The following CGNL1 variants were observed in gnomAD, a reference collection of about 807,000 sequenced individuals.
CGNL1 encodes the protein cingulin-like protein 1.
CGNL1 carries 132 observed loss-of-function variants against 141.2 expected under a neutral mutation model. That is an observed-to-expected ratio of 0.93 (90% CI 0.81 to 1.08). CGNL1 has a LOEUF of 1.08. CGNL1 is among the 50% of genes least tolerant of loss of function. The pLI is 0.00. For missense variants in CGNL1, 1,870 were observed against 1,588.6 expected, an observed-to-expected ratio of 1.18 and a Z score of -3.01; for synonymous variants, 690 against 622.1, an observed-to-expected ratio of 1.11 and a Z score of -1.63.
intron 8 of CGNL1, among the ~76,000 whole-genome samples, chr15:57,464,800 A>T (rs1387682994): frequency 7.1e-6 from 1 of 140,252 alleles, no homozygotes; most frequent in African/African-American, 2.7e-5. Flanking sequence ...CCCTGGTTGG[A>T]GTACAATGGC....
chr15:57,483,142 G>T (rs1048024602), intron 8 of CGNL1, among the ~76,000 whole-genome samples: 1 of 152,166 alleles, frequency 6.6e-6, no homozygotes, highest in East Asian at 1.9e-4. Flanking sequence ...AAATTTTGCT[G>T]AAGTTTTGAT....
At chr15:57,544,863 G>A (rs1379573908) in intron 16 of CGNL1, among the ~76,000 whole-genome samples, 1 of 152,218 alleles carries the variant, frequency 6.6e-6, no homozygotes, top group Non-Finnish European at 1.5e-5. Context: ...CTATGGTGGT[G>A]CCACTGTACT....
rs143359845 is a variant in CGNL1, at chr15:57,451,312, G to A, written c.1804-188G>A. 8.5e-5 allele frequency among the ~76,000 whole-genome samples: 13 copies of A among 152,298 alleles called. 1 individual carries two copies. The highest frequency in any genetic ancestry group is 2.9e-4 in the African/African-American group (12 of 41,556). On this transcript the variant is annotated intron_variant, in intron 4 of 18. Coordinates refer to ENST00000281282, the MANE Select transcript of CGNL1 (RefSeq NM_032866.5). ...AAAGTTCACTGGAGTCCCAAGGCAG[G>A]CAGTAACATTAACTCTGCCCACCAA...
In CGNL1 at chr15:57,433,880, A is replaced by G. The variant is rs185809714; in HGVS notation, c.-15-4105A>G. On this transcript the variant is annotated intron_variant, in intron 1 of 18. Transcript: ENST00000281282. ...CTTGAGAAATTGAACAACTCCAGAA[A>G]AAAATGCCCCCAGATAACTGAAATG... is the stretch of plus-strand genomic sequence containing the variant. Among the ~76,000 whole-genome samples, 22 of 147,838 alleles carry G rather than the reference A, an allele frequency of 1.5e-4. No individual in the cohort carries two copies. In the East Asian group the frequency reaches 3.0e-3, roughly 20 times the overall value.
rs114415770 is a variant in CGNL1, at chr15:57,486,149, G to A, written c.2403+24257G>A. Among the ~76,000 whole-genome samples, 1,388 of 152,248 alleles carry A rather than the reference G, an allele frequency of 9.1e-3. 20 individuals carry two copies. Among genetic ancestry groups the A allele is most frequent in the African/African-American group, 0.031 (1,282 of 41,528 alleles). The stretch of plus-strand genomic sequence containing the variant: ...TGCCTTACTGGTGCTCCAGGGCAGG[G>A]GCAGGCTCACCATGCTGAGGCCTGA... On this transcript the variant is annotated intron_variant, in intron 8 of 18. Coordinates refer to ENST00000281282, the MANE Select transcript of CGNL1 (RefSeq NM_032866.5).
rs529060755 is a variant in CGNL1, at chr15:57,522,034, A to G, written c.2716-1455A>G. ...CCCTTTGCCCCAACACTGCTAAATCATCGATCAACAGAAACCCCAGGTTTG... is the reference window on the plus strand; with the variant it reads ...CCCTTTGCCCCAACACTGCTAAATCGTCGATCAACAGAAACCCCAGGTTTG... On this transcript the variant is annotated intron_variant, in intron 10 of 18. Coordinates refer to ENST00000281282, the MANE Select transcript of CGNL1 (RefSeq NM_032866.5). Among the ~76,000 whole-genome samples the G allele has an allele frequency of 5.3e-5, 8 of 152,240 alleles. 1 individual carries two copies. Among genetic ancestry groups the G allele is most frequent in the African/African-American group, 1.9e-4 (8 of 41,548 alleles).
At position 57,378,646 on chromosome 15, in the gene CGNL1, G is replaced by A. The variant is rs192786852; in HGVS notation, c.-16+2079G>A. Among the ~76,000 whole-genome samples the A allele has an allele frequency of 4.8e-3, 737 of 152,124 alleles. 5 individuals are homozygous for A. The highest frequency in any genetic ancestry group is 0.017 in the African/African-American group (708 of 41,476). On this transcript the variant is annotated intron_variant, in intron 1 of 18. Transcript: ENST00000281282. ...GATCTGCCCACCTCGGCCTCTCAAAGTGCTGGGATTACAGGCATGAGCCAC... is the reference window on the plus strand; with the variant it reads ...GATCTGCCCACCTCGGCCTCTCAAAATGCTGGGATTACAGGCATGAGCCAC...
intron 1 of CGNL1, among the ~76,000 whole-genome samples, chr15:57,393,136 C>G (rs539589232): frequency 2.0e-5 from 3 of 152,172 alleles, no homozygotes; most frequent in Non-Finnish European, 4.4e-5. Flanking sequence ...TCTTAATTCC[C>G]TTGCTCCAGG....
In CGNL1 at chr15:57,451,550, G is replaced by C. The variant is rs1567126510; in HGVS notation, c.1854G>C (p.Lys618Asn). ...AAGATCTATTGGAACAGAAAAGCAA[G>C]TTGACCATAGAAGTGGCTGAACTTC... ...EVKDLLEQKS[K>N]LTIEVAELQR... Residue 618 changes from lysine (K) to asparagine (N), a missense_variant, in exon 5 of 19, where the codon AAG (lysine) becomes AAC (asparagine). Physicochemically the swap from Lys to Asn is moderately conservative, Grantham distance 94. Coordinates refer to ENST00000281282, the MANE Select transcript of CGNL1 (RefSeq NM_032866.5). 1 of 1,613,100 alleles carries C rather than the reference G, an allele frequency of 6.2e-7. No homozygotes were observed. The highest frequency in any genetic ancestry group is 8.5e-7 in the Non-Finnish European group (1 of 1,179,586).
intron 8 of CGNL1, among the ~76,000 whole-genome samples, chr15:57,492,893 G>A (rs1404574400): frequency 1.3e-5 from 2 of 152,146 alleles, no homozygotes; most frequent in African/African-American, 4.8e-5. Flanking sequence ...CACTGAAGAA[G>A]AAACAATAAT....
At chr15:57,522,291 G>A (rs1269339767) in intron 10 of CGNL1, among the ~76,000 whole-genome samples, 10 of 152,224 alleles carry the variant, frequency 6.6e-5, no homozygotes, top group Admixed American at 2.0e-4. Context: ...GCTATGGGTC[G>A]TGTTTTAGCC....
intron 1 of CGNL1, among the ~76,000 whole-genome samples, chr15:57,383,272 A>G (rs1267025867): frequency 1.4e-5 from 2 of 147,834 alleles, no homozygotes; most frequent in Admixed American, 6.7e-5. Flanking sequence ...GAGTTTAACA[A>G]ACTTAAGATT....
At chr15:57,410,618 G>A (rs1411382930) in intron 1 of CGNL1, among the ~76,000 whole-genome samples, 2 of 152,206 alleles carry the variant, frequency 1.3e-5, no homozygotes, top group Non-Finnish European at 2.9e-5. Context: ...GGAGGGAGGA[G>A]TGAGTATGAA....
chr15:57,467,221 C>G (rs758807093), intron 8 of CGNL1, among the ~76,000 whole-genome samples: 5 of 152,104 alleles, frequency 3.3e-5, no homozygotes. Context: ...TGATTATAGA[C>G]AAGAGTAAAT....
intron 11 of CGNL1, 106 bp from the exon 12 acceptor site, chr15:57,524,475 C>G: frequency 9.5e-7 from 1 of 1,055,036 alleles, no homozygotes; most frequent in Non-Finnish European, 1.4e-6. Context: ...TTGAGGGGGC[C>G]ATAGAAGAAA....
At chr15:57,484,770 C>T (rs2063766911) in intron 8 of CGNL1, among the ~76,000 whole-genome samples, 1 of 152,066 alleles carries the variant, frequency 6.6e-6, no homozygotes, top group Non-Finnish European at 1.5e-5. Context: ...CCTGTGTTCT[C>T]ATTGTTCAAC....
chr15:57,528,715 A>C lies in CGNL1; in HGVS notation c.3101A>C (p.Lys1034Thr), dbSNP rs778212953. The change falls in exon 13 of 19, where the codon AAA (lysine) becomes ACA (threonine). Residue 1034 changes from lysine to threonine, a missense_variant. Transcript: ENST00000281282. ...YQRAQDEALT[K>T]RQLLEQTLKD... is the part of the protein sequence containing the mutation. ...AGAGCTCAGGATGAAGCACTCACAA[A>C]AAGGCAGCTTCTGGAGCAGACGCTG... 3.1e-6 allele frequency: 5 copies of C among 1,614,166 alleles called. No individual in the cohort carries two copies. The highest frequency in any genetic ancestry group is 4.2e-6 in the Non-Finnish European group (5 of 1,180,010).
At chr15:57,504,945 G>A (rs2064080682) in intron 8 of CGNL1, among the ~76,000 whole-genome samples, 1 of 152,208 alleles carries the variant, frequency 6.6e-6, no homozygotes, top group Non-Finnish European at 1.5e-5. Context: ...GATGAGGGCT[G>A]GCCCTAGAGC....
chr15:57,415,176 T>C (rs533098415), intron 1 of CGNL1, among the ~76,000 whole-genome samples: 1 of 152,330 alleles, frequency 6.6e-6, no homozygotes, highest in African/African-American at 2.4e-5. Flanking sequence ...GGCTGACTCT[T>C]CCATCTGCAT....
Sources: allele counts gnomAD v4.1 joint callset (sites outside exome capture counted in the v4.1 genomes callset), GRCh38; gene constraint gnomAD v4.1.1; transcripts MANE v1.5; gene names NCBI Gene and HGNC (gene_info 2026-07-23, HGNC 2026-07-21).